AUTS2: variants seen among roughly 807,000 people sequenced by gnomAD.
AUTS2 encodes activator of transcription and developmental regulator AUTS2, also known as autism susceptibility gene 2 protein.
Under a neutral mutation model 112.4 loss-of-function variants are expected in AUTS2, and 17 were observed. That is an observed-to-expected ratio of 0.15 (90% confidence interval 0.10 to 0.23). The LOEUF (loss-of-function observed/expected upper bound fraction) is 0.23. Among genes scored for constraint, AUTS2 ranks in the 10% least tolerant of loss-of-function variants. The probability of loss-of-function intolerance (pLI) is 1.00; values close to 1 mark genes in which losing one functional copy is unlikely to be tolerated. For synonymous variants in AUTS2, 751 were observed against 702.7 expected, an observed-to-expected ratio of 1.07 and a Z score of -1.09; for missense variants, 1,510 against 1,701.6, an observed-to-expected ratio of 0.89 and a Z score of 1.98.
At chr7:69,607,576 C>T (rs1433218163) in intron 1 of AUTS2, among the ~76,000 whole-genome samples, 2 of 152,162 alleles carry the variant, frequency 1.3e-5, no homozygotes, top group South Asian at 2.1e-4. Context: ...TTTCTAATTT[C>T]TCAGCTTATG....
intron 4 of AUTS2, among the ~76,000 whole-genome samples, chr7:70,318,910 C>T (rs1005153233): frequency 3.3e-5 from 5 of 152,126 alleles, no homozygotes; most frequent in Admixed American, 6.5e-5. Flanking sequence ...AGGCACCGTG[C>T]CCATTGATGT....
chr7:70,434,209 A>G (rs747760041), intron 4 of AUTS2, among the ~76,000 whole-genome samples: 1 of 152,214 alleles, frequency 6.6e-6, no homozygotes, highest in Non-Finnish European at 1.5e-5. Context: ...TTGGCCAAAG[A>G]TGGGCCTTCA....
intron 1 of AUTS2, among the ~76,000 whole-genome samples, chr7:69,796,508 G>A (rs893818024): frequency 2.0e-5 from 3 of 146,674 alleles, no homozygotes; most frequent in Admixed American, 1.4e-4. Context: ...AGGCGACAGA[G>A]TGAGACTCTG....
At chr7:70,645,119 C>G (rs1162684340) in intron 5 of AUTS2, among the ~76,000 whole-genome samples, 1 of 152,188 alleles carries the variant, frequency 6.6e-6, no homozygotes, top group Non-Finnish European at 1.5e-5. Context: ...TTCCTTCAGG[C>G]TCACAAGCGT....
chr7:70,179,981 G>A (rs1809211183), intron 4 of AUTS2, among the ~76,000 whole-genome samples: 1 of 152,118 alleles, frequency 6.6e-6, no homozygotes, highest in Non-Finnish European at 1.5e-5. Flanking sequence ...AAATGATGCT[G>A]CTAACAGAAA....
At chr7:70,659,565 T>C (rs1585456601) in intron 5 of AUTS2, among the ~76,000 whole-genome samples, 3 of 152,182 alleles carry the variant, frequency 2.0e-5, no homozygotes, top group Admixed American at 2.0e-4. Context: ...CAAGATTCAT[T>C]ACACCTATCT....
intron 1 of AUTS2, among the ~76,000 whole-genome samples, chr7:69,691,902 G>A (rs1415110686): frequency 6.6e-6 from 1 of 152,110 alleles, no homozygotes. Context: ...GCATGTAGAA[G>A]TTAGACATGA....
Position 69,614,367 on chromosome 7 carries a change from T to TCTTTTCTTTCTTTTCTTTCTTTC in AUTS2, c.309+14405_309+14406insCTTTTCTTTCTTTTCTTTCTTTC, listed in dbSNP as rs57602451. Among the ~76,000 whole-genome samples the TCTTTTCTTTCTTTTCTTTCTTTC allele has an allele frequency of 1.1e-4, 10 of 90,298 alleles. 2 individuals are homozygous for TCTTTTCTTTCTTTTCTTTCTTTC. The highest frequency in any genetic ancestry group is 7.9e-4 in the East Asian group (2 of 2,536). 59.2% of individuals were successfully genotyped at this position (90,298 alleles called of 152,430 possible). On this transcript the variant is annotated intron_variant, in intron 1 of 18. Transcript: ENST00000342771. Reference sequence around the variant, plus strand: ...TTCTTTCTTTCTTTCTTTCTTTCTTTTTTTAAGAGATGGGATCTCACTCTG... The same window carrying TCTTTTCTTTCTTTTCTTTCTTTC: ...TTCTTTCTTTCTTTCTTTCTTTCTTTCTTTTCTTTCTTTTCTTTCTTTCTTTTAAGAGATGGGATCTCACTCTG...
intron 4 of AUTS2, among the ~76,000 whole-genome samples, chr7:70,339,176 T>C (rs936741518): frequency 1.3e-5 from 2 of 152,120 alleles, no homozygotes; most frequent in African/African-American, 4.8e-5. Context: ...CCTCATCTCT[T>C]TTTTTCTTGG....
intron 1 of AUTS2, among the ~76,000 whole-genome samples, chr7:69,796,293 G>C (rs117040395): frequency 6.6e-6 from 1 of 152,304 alleles, no homozygotes; most frequent in East Asian, 1.9e-4. Flanking sequence ...CGAAGTGGGA[G>C]AATCACTTGA....
intron 1 of AUTS2, among the ~76,000 whole-genome samples, chr7:69,623,870 A>C (rs1793802962): frequency 6.6e-6 from 1 of 152,154 alleles, no homozygotes. Context: ...CCCCCTCCCC[A>C]CAAAAAATGA....
At chr7:69,987,058 A>G (rs1390361235) in intron 2 of AUTS2, among the ~76,000 whole-genome samples, 2 of 152,184 alleles carry the variant, frequency 1.3e-5, no homozygotes, top group Non-Finnish European at 2.9e-5. Context: ...CAATGTTGAG[A>G]TGAAAAGATT....
intron 1 of AUTS2, among the ~76,000 whole-genome samples, chr7:69,635,529 T>A (rs1794478611): frequency 6.6e-6 from 1 of 152,224 alleles, no homozygotes; most frequent in South Asian, 2.1e-4. Flanking sequence ...ATGAATGCTC[T>A]AGCCCTGCAG....
At chr7:70,490,827 G>T (rs1236764089) in intron 5 of AUTS2, among the ~76,000 whole-genome samples, 2 of 152,200 alleles carry the variant, frequency 1.3e-5, no homozygotes, top group Non-Finnish European at 2.9e-5. Context: ...CTGAGGCCAT[G>T]ATATCATCCT....
intron 3 of AUTS2, among the ~76,000 whole-genome samples, chr7:70,131,854 ATGGTGGGGTCCTGT>A (rs1278897012): frequency 2.0e-5 from 3 of 151,898 alleles, no homozygotes; most frequent in Non-Finnish European, 2.9e-5. Flanking sequence ...CAATACTTTA[ATGGTGGGGTCCTGT>A]TGGTGACCAG....
intron 4 of AUTS2, among the ~76,000 whole-genome samples, chr7:70,368,608 C>T (rs947042224): frequency 2.6e-5 from 4 of 152,182 alleles, no homozygotes; most frequent in Non-Finnish European, 5.9e-5. Context: ...TTTATCTCTG[C>T]CCCTCAGAGA....
At chr7:69,676,103 G>A (rs1173840455) in intron 1 of AUTS2, among the ~76,000 whole-genome samples, 1 of 152,132 alleles carries the variant, frequency 6.6e-6, no homozygotes, top group East Asian at 1.9e-4. Context: ...AAAGGTTCTG[G>A]TGTTCAGAAA....
chr7:70,763,295 C>T lies in AUTS2; in HGVS notation c.1168C>T (p.Pro390Ser), dbSNP rs373283008. The part of the protein sequence containing the change: ...AHPSAQSLSQ[P>S]LSAYNSSSLS... The stretch of plus-strand genomic sequence containing the variant: ...CCCCTCTGCTCAGAGCCTCTCCCAG[C>T]CATTGTCAGCCTACAACAGCAGTAG... The change falls in exon 7 of 19, where the codon CCA becomes TCA. Residue 390 changes from proline (P) to serine (S), a missense_variant. Coordinates refer to ENST00000342771, the MANE Select transcript of AUTS2 (RefSeq NM_015570.4). 3 of 1,603,120 alleles carry T rather than the reference C, an allele frequency of 1.9e-6. No individual in the cohort carries two copies. Among genetic ancestry groups the T allele is most frequent in the Non-Finnish European group, 2.6e-6 (3 of 1,173,716 alleles).
At chr7:70,441,553 C>T (rs2130935968) in intron 5 of AUTS2, among the ~76,000 whole-genome samples, 1 of 152,136 alleles carries the variant, frequency 6.6e-6, no homozygotes, top group East Asian at 1.9e-4. Context: ...ACTCAGATAA[C>T]TTAAATTTTA....
Sources: gnomAD v4.1 joint callset for allele counts (sites outside exome capture counted in the v4.1 genomes callset) on GRCh38, gnomAD v4.1.1 for gene constraint, MANE v1.5 for transcripts, NCBI Gene and HGNC (gene_info 2026-07-23, HGNC 2026-07-21) for gene names.